The following RAB31 variants were observed in gnomAD, a reference collection of about 807,000 sequenced individuals.
RAB31 encodes RAB31, member RAS oncogene family.
Under a neutral mutation model 25.6 loss-of-function variants are expected in RAB31, and 21 were observed. That is an observed-to-expected ratio of 0.82 (90% CI 0.58 to 1.18). The LOEUF (loss-of-function observed/expected upper bound fraction) is 1.18. Among genes scored for constraint, RAB31 ranks in the 50% most tolerant of loss-of-function variants. The pLI, the probability that RAB31 is intolerant of heterozygous loss-of-function variation, is 0.00. For missense variants in RAB31, 196 were observed against 250.1 expected, an observed-to-expected ratio of 0.78 and a Z score of 1.46; for synonymous variants, 87 against 84.0, an observed-to-expected ratio of 1.04 and a Z score of -0.20.
intron 1 of RAB31, among the ~76,000 whole-genome samples, chr18:9,773,051 T>A (rs112251223): frequency 6.6e-6 from 1 of 152,132 alleles, no homozygotes; most frequent in African/African-American, 2.4e-5. Context: ...GTGCATCGAT[T>A]TGCACGATGC....
At chr18:9,795,476 A>C (rs2068482544) in intron 3 of RAB31, among the ~76,000 whole-genome samples, 1 of 152,374 alleles carries the variant, frequency 6.6e-6, no homozygotes, top group Non-Finnish European at 1.5e-5. Context: ...AAATCTTCAC[A>C]ATCCATACAT....
intron 1 of RAB31, among the ~76,000 whole-genome samples, chr18:9,757,445 C>A (rs1344766565): frequency 6.6e-6 from 1 of 152,214 alleles, no homozygotes; most frequent in Non-Finnish European, 1.5e-5. Flanking sequence ...TGGGGCTCTG[C>A]TGGGAACCTT....
Position 9,708,467 on chromosome 18 carries a change from C to T in RAB31, c.39+23C>T, listed in dbSNP as rs1168957926. On this transcript the variant is annotated intron_variant, in intron 1 of 6. Transcript: ENST00000578921. This position sits in a 1 kb window ranked among gnomAD's most constrained non-coding sequence, Gnocchi z 6.4. ...GGGGTGAGTCCTGGCCGCCACCCGC[C>T]GGCGGACCCCGGCCCGCGCTCTCGC... The T allele has an allele frequency of 5.8e-6, 9 of 1,546,324 alleles. No homozygotes were observed. The highest frequency in any genetic ancestry group is 6.1e-6 in the Non-Finnish European group (7 of 1,147,536).
intron 1 of RAB31, among the ~76,000 whole-genome samples, chr18:9,728,560 CA>C (rs1223525960): frequency 1.5e-4 from 23 of 152,096 alleles, no homozygotes; most frequent in African/African-American, 5.3e-4. Flanking sequence ...TGTTTTGAGA[CA>C]GGGGCTCATT....
At chr18:9,834,801 C>T (rs1475421321) in intron 5 of RAB31, among the ~76,000 whole-genome samples, 5 of 152,146 alleles carry the variant, frequency 3.3e-5, no homozygotes, top group African/African-American at 4.8e-5. Context: ...GGATTTTCTT[C>T]GAAGACAGAG....
At chr18:9,825,374 T>C (rs571931033) in intron 5 of RAB31, among the ~76,000 whole-genome samples, 1 of 152,308 alleles carries the variant, frequency 6.6e-6, no homozygotes, top group East Asian at 1.9e-4. Flanking sequence ...TACAGGACGC[T>C]GCATGTCCTT....
chr18:9,779,327 G>T (rs930783038), intron 2 of RAB31, among the ~76,000 whole-genome samples: 6 of 152,152 alleles, frequency 3.9e-5, no homozygotes, highest in Non-Finnish European at 8.8e-5. Context: ...CTTCAATCCC[G>T]TATTCTTCAA....
chr18:9,811,998 G>T (rs780166584), intron 3 of RAB31, among the ~76,000 whole-genome samples: 1 of 152,206 alleles, frequency 6.6e-6, no homozygotes, highest in Non-Finnish European at 1.5e-5. Flanking sequence ...CAAGATCAAG[G>T]TGCTGGCAGA....
intron 1 of RAB31, among the ~76,000 whole-genome samples, chr18:9,721,313 A>G (rs8092497): frequency 0.063 from 9,528 of 152,250 alleles, 1,038 homozygotes; most frequent in African/African-American, 0.21. Flanking sequence ...GAGTTAGTAT[A>G]CAAATAATTG....
chr18:9,854,296 C>T (rs919167093), intron 6 of RAB31, among the ~76,000 whole-genome samples: 4 of 152,082 alleles, frequency 2.6e-5, no homozygotes, highest in African/African-American at 7.2e-5. Flanking sequence ...TTTAAAGTAG[C>T]TTAAGTCTCT....
At chr18:9,757,531 C>G (rs1225271057) in intron 1 of RAB31, among the ~76,000 whole-genome samples, 2 of 152,170 alleles carry the variant, frequency 1.3e-5, no homozygotes, top group Non-Finnish European at 2.9e-5. Context: ...TTTTGGTCAA[C>G]TCTAGTCCAG....
chr18:9,771,248 A>G (rs952812483), intron 1 of RAB31, among the ~76,000 whole-genome samples: 4 of 152,194 alleles, frequency 2.6e-5, no homozygotes, highest in Admixed American at 6.5e-5. Flanking sequence ...GGTTTTGACT[A>G]GGACTCAAAA....
chr18:9,855,286 C>T (rs767843382), intron 6 of RAB31, among the ~76,000 whole-genome samples: 1 of 152,122 alleles, frequency 6.6e-6, no homozygotes, highest in Non-Finnish European at 1.5e-5. Flanking sequence ...TCCTAGACAG[C>T]ATCTTACAAA....
chr18:9,796,937 AAC>A (rs2068489443), intron 3 of RAB31, among the ~76,000 whole-genome samples: 1 of 152,210 alleles, frequency 6.6e-6, no homozygotes, highest in South Asian at 2.1e-4. Flanking sequence ...ATTTAAATAA[AAC>A]ACATTTTCTT....
intron 1 of RAB31, among the ~76,000 whole-genome samples, chr18:9,713,048 G>A (rs1158143891): frequency 1.3e-5 from 2 of 152,146 alleles, no homozygotes; most frequent in African/African-American, 4.8e-5. Context: ...GTCTCCCCAG[G>A]GACACTAGGA....
chr18:9,710,226 A>G (rs1216440598), intron 1 of RAB31, among the ~76,000 whole-genome samples: 2 of 152,184 alleles, frequency 1.3e-5, no homozygotes, highest in Non-Finnish European at 2.9e-5. Flanking sequence ...TCGTTTTAGC[A>G]AAGCAACTCA....
At chr18:9,777,263 T>C (rs1437164001) in intron 2 of RAB31, among the ~76,000 whole-genome samples, 1 of 152,262 alleles carries the variant, frequency 6.6e-6, no homozygotes, top group East Asian at 1.9e-4. Flanking sequence ...AGGTGGTGGT[T>C]GCAGTGAGCT....
chr18:9,821,923 A>T (rs1281768781), intron 5 of RAB31, among the ~76,000 whole-genome samples: 3 of 152,192 alleles, frequency 2.0e-5, no homozygotes, highest in Admixed American at 6.5e-5. Flanking sequence ...ATTTTTGTCA[A>T]ATCTTAGCAA....
At chr18:9,777,133 G>A (rs1396233506) in intron 2 of RAB31, among the ~76,000 whole-genome samples, 1 of 151,102 alleles carries the variant, frequency 6.6e-6, no homozygotes, top group East Asian at 2.0e-4. Context: ...CATGAGGTCA[G>A]GAGTTCAAGA....
Sources: allele counts gnomAD v4.1 joint callset (sites outside exome capture counted in the v4.1 genomes callset), GRCh38; gene constraint gnomAD v4.1.1; non-coding constraint Gnocchi (gnomAD v3.1); transcripts MANE v1.5; gene names NCBI Gene and HGNC (gene_info 2026-07-23, HGNC 2026-07-21).